Variants in NSUN3 observed in about 807,000 individuals in gnomAD.
NSUN3 encodes the protein tRNA (cytosine(34)-C(5))-methyltransferase, mitochondrial.
Under a neutral mutation model 36.8 loss-of-function variants are expected in NSUN3, and 24 were observed. The observed-to-expected ratio is 0.65, with a 90% CI of 0.47 to 0.92. The LOEUF is 0.92. NSUN3 is among the 40% of genes least tolerant of loss of function. The pLI is 0.00. For synonymous variants in NSUN3, 146 were observed against 145.2 expected (o/e 1.01, Z -0.04); for missense variants, 381 against 392.8 (o/e 0.97, Z 0.25).
intron 5 of NSUN3, among the ~76,000 whole-genome samples, chr3:94,107,509 A>C (rs1318037920): frequency 6.6e-6 from 1 of 151,116 alleles, no homozygotes; most frequent in African/African-American, 2.4e-5. Flanking sequence ...CTGGTCTCAA[A>C]CTCCTGTACT....
At chr3:94,115,587 TA>T (rs1001289844) in intron 5 of NSUN3, among the ~76,000 whole-genome samples, 2 of 152,170 alleles carry the variant, frequency 1.3e-5, no homozygotes, top group Non-Finnish European at 2.9e-5. Flanking sequence ...AGCGATGACA[TA>T]AAAAGAATTT....
In NSUN3 at chr3:94,127,073, T is replaced by C. The variant is rs2077490382; in HGVS notation, c.*583T>C. 1 of 152,256 alleles carries C rather than the reference T, an allele frequency of 6.6e-6. No individual in the cohort carries two copies. The highest frequency in any genetic ancestry group is 1.5e-5 in the Non-Finnish European group (1 of 68,074). The allele number at this position is 152,256 out of a possible 1,614,324, so 9.4% of individuals were successfully genotyped here. Reference sequence around the variant, plus strand: ...TTACTGCAAAGGTCAGTGACTCTACTGACACCAGCTTTATTTCCCCCACTT... The same window carrying C: ...TTACTGCAAAGGTCAGTGACTCTACCGACACCAGCTTTATTTCCCCCACTT... On this transcript the variant is annotated 3_prime_UTR_variant, in exon 6 of 6. Coordinates refer to ENST00000314622, the MANE Select transcript of NSUN3 (RefSeq NM_022072.5).
intron 2 of NSUN3, among the ~76,000 whole-genome samples, chr3:94,082,863 T>A (rs1191065321): frequency 6.6e-6 from 1 of 152,200 alleles, no homozygotes; most frequent in Non-Finnish European, 1.5e-5. Flanking sequence ...TTTTATCATC[T>A]GAGCCACTCA....
chr3:94,084,220 A>G lies in NSUN3; in HGVS notation c.236A>G (p.Gln79Arg). ...LHLKGYHTLS[Q>R]GSLPNYPKSV... ...TTGAAGGGCTATCACACACTCTCTC[A>G]GGGATCTTTACCCAACTATCCTAAA... The change falls in exon 3 of 6, where the codon CAG (glutamine) becomes CGG (arginine). Residue 79 changes from glutamine (Q) to arginine (R), a missense_variant. Physicochemically the swap from Gln to Arg is conservative, Grantham distance 43. Coordinates refer to ENST00000314622, the MANE Select transcript of NSUN3 (RefSeq NM_022072.5). 9 of 1,614,162 alleles carry G rather than the reference A, an allele frequency of 5.6e-6. No individual in the cohort carries two copies. Among genetic ancestry groups the G allele is most frequent in the Non-Finnish European group, 7.6e-6 (9 of 1,180,010 alleles).
intron 5 of NSUN3, among the ~76,000 whole-genome samples, chr3:94,115,255 T>TC (rs1413269959): frequency 6.6e-6 from 1 of 152,206 alleles, no homozygotes; most frequent in East Asian, 1.9e-4. Flanking sequence ...GGATCGATGT[T>TC]CCTATGCTTA....
At chr3:94,093,314 T>C (rs995981958) in intron 3 of NSUN3, among the ~76,000 whole-genome samples, 8 of 146,150 alleles carry the variant, frequency 5.5e-5, no homozygotes, top group African/African-American at 2.0e-4. Flanking sequence ...AAAATACATA[T>C]ACACATACAT....
Position 94,126,563 on chromosome 3 carries a change from T to G in NSUN3, c.*73T>G. ...AACTCAGTACATGTTAATATTTAAATAATTATGCAGTAACTTTCTCTGGGT... is the reference window on the plus strand; with the variant it reads ...AACTCAGTACATGTTAATATTTAAAGAATTATGCAGTAACTTTCTCTGGGT... On this transcript the variant is annotated 3_prime_UTR_variant, in exon 6 of 6. Coordinates refer to ENST00000314622, the MANE Select transcript of NSUN3 (RefSeq NM_022072.5). The G allele has an allele frequency of 7.4e-7, 1 of 1,343,566 alleles. No homozygotes were observed. Among genetic ancestry groups the G allele is most frequent in the Non-Finnish European group, 1.0e-6 (1 of 981,754 alleles). 83.2% of individuals were successfully genotyped at this position (1,343,566 alleles called of 1,614,324 possible). A position where few individuals can be genotyped will look rare whatever the true frequency, so the allele number is the denominator to read the frequency against.
At chr3:94,111,031 C>A (rs2077414531) in intron 5 of NSUN3, among the ~76,000 whole-genome samples, 1 of 152,026 alleles carries the variant, frequency 6.6e-6, no homozygotes, top group Admixed American at 6.6e-5. Context: ...ATTACATAAA[C>A]CTAGATGATA....
intron 5 of NSUN3, among the ~76,000 whole-genome samples, chr3:94,124,140 TTTTA>T (rs1237869638): frequency 2.8e-5 from 4 of 144,874 alleles, no homozygotes; most frequent in African/African-American, 1.0e-4. Flanking sequence ...TATTTTATTA[TTTTA>T]TTTCTTTTTT....
intron 2 of NSUN3, among the ~76,000 whole-genome samples, chr3:94,083,213 C>T (rs2077277696): frequency 6.6e-6 from 1 of 151,374 alleles, no homozygotes; most frequent in South Asian, 2.1e-4. Flanking sequence ...CCTCAGTAAT[C>T]ATAATGTTAA....
At chr3:94,066,700 A>C (rs2107233270) in intron 2 of NSUN3, among the ~76,000 whole-genome samples, 1 of 152,250 alleles carries the variant, frequency 6.6e-6, no homozygotes, top group East Asian at 1.9e-4. Context: ...CTGTCATCTC[A>C]AGCTGTGAGG....
chr3:94,084,472 A>G lies in NSUN3; in HGVS notation c.466+22A>G. 1.3e-6 allele frequency: 2 copies of G among 1,546,864 alleles called. 1 individual carries two copies. Among genetic ancestry groups the G allele is most frequent in the South Asian group, 2.3e-5 (2 of 85,324 alleles). On this transcript the variant is annotated intron_variant, in intron 3 of 5. Transcript: ENST00000314622. ...CCAGGTAGTGTGCTTTCCTTTCAGT[A>G]TTTGACAACTTTTTAATATCTGTAT...
Position 94,084,164 on chromosome 3 carries a change from T to C in NSUN3, c.180T>C (p.Asn60=). ...ATGCTGTCCTGCTTAACCGATTCAATTATCCTTTTGAACTGGAAAAGGATT... is the reference window on the plus strand; with the variant it reads ...ATGCTGTCCTGCTTAACCGATTCAACTATCCTTTTGAACTGGAAAAGGATT... ...WQYAVLLNRF[N]YPFELEKDLH... The change falls in exon 3 of 6, where the codon AAT becomes AAC. Residue 60 remains asparagine, a synonymous_variant. Transcript: ENST00000314622. The C allele has an allele frequency of 6.2e-7, 1 of 1,614,200 alleles. No individual in the cohort carries two copies. The highest frequency in any genetic ancestry group is 2.2e-5 in the East Asian group (1 of 44,886).
At chr3:94,076,311 G>T (rs1407841761) in intron 2 of NSUN3, 6 of 862,886 alleles carry the variant, frequency 7.0e-6, no homozygotes, top group Non-Finnish European at 1.0e-5. Context: ...AGCTGATCCT[G>T]TGGCAAGAAT....
chr3:94,120,852 T>C (rs1433796254), intron 5 of NSUN3, among the ~76,000 whole-genome samples: 2 of 152,222 alleles, frequency 1.3e-5, no homozygotes, highest in Non-Finnish European at 2.9e-5. Context: ...GCCGTCATAT[T>C]GTTTTCCATA....
At chr3:94,112,649 T>G (rs2077422486) in intron 5 of NSUN3, among the ~76,000 whole-genome samples, 1 of 152,170 alleles carries the variant, frequency 6.6e-6, no homozygotes, top group South Asian at 2.1e-4. Context: ...CAAAGCATAA[T>G]TCAACATTAC....
At chr3:94,108,366 T>C (rs1469700862) in intron 5 of NSUN3, among the ~76,000 whole-genome samples, 4 of 152,242 alleles carry the variant, frequency 2.6e-5, no homozygotes, top group Non-Finnish European at 4.4e-5. Flanking sequence ...TGTTTGTTTG[T>C]TTTATTTTAT....
At chr3:94,114,380 T>C (rs949484693) in intron 5 of NSUN3, among the ~76,000 whole-genome samples, 1 of 152,180 alleles carries the variant, frequency 6.6e-6, no homozygotes, top group African/African-American at 2.4e-5. Context: ...ATAAATCTTG[T>C]CAGACTATTT....
intron 3 of NSUN3, among the ~76,000 whole-genome samples, chr3:94,092,576 T>A (rs771821190): frequency 4.6e-5 from 7 of 151,942 alleles, no homozygotes; most frequent in Non-Finnish European, 8.8e-5. Context: ...TCAACAAAAT[T>A]GATGCCATCT....
Sources: gnomAD v4.1 joint callset for allele counts (sites outside exome capture counted in the v4.1 genomes callset) on GRCh38, gnomAD v4.1.1 for gene constraint, MANE v1.5 for transcripts, NCBI Gene and HGNC (gene_info 2026-07-23, HGNC 2026-07-21) for gene names.